Variants in EXPH5 observed in about 807,000 individuals in gnomAD.
EXPH5 encodes exophilin-5.
Under a neutral mutation model 41.1 loss-of-function variants are expected in EXPH5, and 42 were observed. That is an observed-to-expected ratio of 1.02 (90% CI 0.80 to 1.32). The LOEUF (loss-of-function observed/expected upper bound fraction) is 1.32. Ranked by LOEUF, EXPH5 falls within the 40% of genes most tolerant of loss-of-function variation. The pLI is 0.00. For missense variants in EXPH5, 2,298 were observed against 2,314.5 expected, an observed-to-expected ratio of 0.99 and a Z score of 0.15; for synonymous variants, 798 against 833.5, an observed-to-expected ratio of 0.96 and a Z score of 0.73.
At chr11:108,602,760 A>G in the EXPH5 span, among the ~76,000 whole-genome samples, 1,654 of 152,352 alleles carry the variant, frequency 0.011, 15 homozygotes, top group Middle Eastern at 0.027. Flanking sequence ...TTAGTAGGAT[A>G]AGAAAGGAAA....
rs1237946246 is a variant in EXPH5 at position 108,510,599 on chromosome 11, T to A, written c.4908A>T (p.Thr1636=). Residue 1636 remains threonine, a synonymous_variant, in exon 6 of 6, where the codon ACA becomes ACT. Transcript: ENST00000265843. ...CAGGGAACAGTGGGTTGCACTCCAC[T>A]GTGCCAAGAGATAAATGGTCAAAGC... ...RSGFDHLSLG[T]VECNPLFPEP... The A allele has an allele frequency of 6.2e-7, 1 of 1,614,106 alleles. No individual in the cohort carries two copies. The highest frequency in any genetic ancestry group is 8.5e-7 in the Non-Finnish European group (1 of 1,180,000).
At chr11:108,558,609 C>T (rs969020411) in intron 1 of EXPH5, among the ~76,000 whole-genome samples, 6 of 152,288 alleles carry the variant, frequency 3.9e-5, no homozygotes, top group South Asian at 2.1e-4. Flanking sequence ...CTTTCTGTTG[C>T]TCCTGTCTGG....
In EXPH5 at chr11:108,522,847, AC is replaced by A. The variant is rs1479324470; in HGVS notation, c.493-4475del. On this transcript the variant is annotated intron_variant, in intron 4 of 5. Transcript: ENST00000265843. ...GCCTAGAGGATAAGGATGTTCAAAC[AC>A]CTTTTTTGCAGCACAATTGTGTCAA... 2.6e-5 allele frequency among the ~76,000 whole-genome samples: 4 copies of A among 151,222 alleles called. 1 individual carries two copies. Among genetic ancestry groups the A allele is most frequent in the South Asian group, 4.2e-4 (2 of 4,774 alleles).
intron 1 of EXPH5, among the ~76,000 whole-genome samples, chr11:108,569,301 T>C (rs1000941441): frequency 1.3e-5 from 2 of 151,592 alleles, no homozygotes; most frequent in South Asian, 4.2e-4. Flanking sequence ...TTATCATTCG[T>C]CACGTTATAG....
At chr11:108,573,176 GAA>G (rs1175179826) in intron 1 of EXPH5, among the ~76,000 whole-genome samples, 63 of 145,182 alleles carry the variant, frequency 4.3e-4, no homozygotes, top group Middle Eastern at 3.4e-3. Context: ...AAGAAAGAAA[GAA>G]AGAAAGAAAG....
In EXPH5 at chr11:108,519,872, A is replaced by T. The variant is rs111417913; in HGVS notation, c.493-1499T>A. On this transcript the variant is annotated intron_variant, in intron 4 of 5. Transcript: ENST00000265843. ...GGGCTGAGGCAGGAGAATCGCTTGA[A>T]CCCGGGAGGCGGAGGTTGTAGTGAG... Among the ~76,000 whole-genome samples the T allele has an allele frequency of 1.1e-3, 168 of 146,570 alleles. 1 individual carries two copies. The highest frequency in any genetic ancestry group is 3.9e-3 in the African/African-American group (154 of 39,772).
At chr11:108,526,779 C>T (rs1452905544) in intron 4 of EXPH5, among the ~76,000 whole-genome samples, 2 of 152,160 alleles carry the variant, frequency 1.3e-5, no homozygotes, top group African/African-American at 4.8e-5. Context: ...CCAGGGTGAC[C>T]TTGAGCATGA....
rs1219818556 is a variant in EXPH5 at position 108,511,117 on chromosome 11, G to C, written c.4390C>G (p.Gln1464Glu). 2 of 1,613,784 alleles carry C rather than the reference G, an allele frequency of 1.2e-6. No individual in the cohort carries two copies. Among genetic ancestry groups the C allele is most frequent in the Admixed American group, 1.7e-5 (1 of 59,980 alleles). ...ACAGCTGTGGATGTGTGATCTTTCT[G>C]GGGACACTTGCCACTTCCAGTAAAT... Reference protein sequence around the residue: ...IPFTGSGKCPQKDHTSTAVGD... With the variant: ...IPFTGSGKCPEKDHTSTAVGD... Residue 1464 changes from glutamine to glutamate, a missense_variant, in exon 6 of 6, where the codon CAG becomes GAG. Gln to Glu is a conservative substitution (Grantham distance 29). Coordinates refer to ENST00000265843, the MANE Select transcript of EXPH5 (RefSeq NM_015065.3).
At chr11:108,550,089 A>G (rs2093956445) in intron 1 of EXPH5, among the ~76,000 whole-genome samples, 1 of 152,226 alleles carries the variant, frequency 6.6e-6, no homozygotes, top group African/African-American at 2.4e-5. Context: ...TACTGTTAAG[A>G]GGCACCTCCT....
chr11:108,509,493 A>T lies in EXPH5; in HGVS notation c.*44T>A. 1 of 1,512,136 alleles carries T rather than the reference A, an allele frequency of 6.6e-7. No individual in the cohort carries two copies. Among genetic ancestry groups the T allele is most frequent in the Non-Finnish European group, 8.8e-7 (1 of 1,130,370 alleles). 93.7% of individuals were successfully genotyped at this position (1,512,136 alleles called of 1,614,324 possible). A position where few individuals can be genotyped will look rare whatever the true frequency, so the allele number is the denominator to read the frequency against. On this transcript the variant is annotated 3_prime_UTR_variant, in exon 6 of 6. Transcript: ENST00000265843. ...TGCACATGTACACCTTAGTTCCATT[A>T]TAAGCTTTTGGTGAAAAAAGTAAAG...
At chr11:108,564,398 C>CA (rs1355725856) in intron 1 of EXPH5, among the ~76,000 whole-genome samples, 1 of 151,562 alleles carries the variant, frequency 6.6e-6, no homozygotes, top group Non-Finnish European at 1.5e-5. Flanking sequence ...CCTGCATTTT[C>CA]AAAAAATGCT....
rs759246470 is a variant in EXPH5 at position 108,539,019 on chromosome 11, C to T, written c.443+5G>A. The stretch of plus-strand genomic sequence containing the variant: ...GGGCCGTAACATGACCTGAGTTTAA[C>T]TCACCCTTTCTGTCCCAGTGATGGA... On this transcript the variant is annotated splice_donor_5th_base_variant and intron_variant, in intron 3 of 5. Coordinates refer to ENST00000265843, the MANE Select transcript of EXPH5 (RefSeq NM_015065.3). 6.3e-7 allele frequency: 1 copy of T among 1,577,218 alleles called. No individual in the cohort carries two copies. The highest frequency in any genetic ancestry group is 8.6e-7 in the Non-Finnish European group (1 of 1,160,180).
chr11:108,517,204 C>T (rs1308867732), intron 5 of EXPH5, among the ~76,000 whole-genome samples: 7 of 152,250 alleles, frequency 4.6e-5, no homozygotes, highest in Admixed American at 6.5e-5. Context: ...TCACTCCTGA[C>T]ATCAGAAAAA....
At chr11:108,600,440 T>C in the EXPH5 span, among the ~76,000 whole-genome samples, 1 of 151,682 alleles carries the variant, frequency 6.6e-6, no homozygotes, top group Non-Finnish European at 1.5e-5. Context: ...GGTTTTAAAC[T>C]AGAAAAAAAA....
intron 1 of EXPH5, among the ~76,000 whole-genome samples, chr11:108,577,962 G>A (rs2094085318): frequency 6.6e-6 from 1 of 152,004 alleles, no homozygotes; most frequent in African/African-American, 2.4e-5. Flanking sequence ...TGAATAGCTT[G>A]CAAATATTTT....
Position 108,512,488 on chromosome 11 carries a change from G to C in EXPH5, c.3019C>G (p.Gln1007Glu). The change falls in exon 6 of 6, where the codon CAA becomes GAA. Residue 1007 changes from glutamine to glutamate, a missense_variant. Gln to Glu is a conservative substitution (Grantham distance 29). Transcript: ENST00000265843. Reference protein sequence around the residue: ...SDHRSLIEANQSNSKVSELDT... With the variant: ...SDHRSLIEANESNSKVSELDT... Reference sequence around the variant, plus strand: ...AGTTCAGAAACTTTGGAATTGCTTTGATTTGCTTCAATGAGGCTCCTGTGA... The same window carrying C: ...AGTTCAGAAACTTTGGAATTGCTTTCATTTGCTTCAATGAGGCTCCTGTGA... 6.2e-7 allele frequency: 1 copy of C among 1,613,990 alleles called. No individual in the cohort carries two copies. Among genetic ancestry groups the C allele is most frequent in the Non-Finnish European group, 8.5e-7 (1 of 1,179,988 alleles).
chr11:108,603,361 T>C, the EXPH5 span, among the ~76,000 whole-genome samples: 2 of 152,186 alleles, frequency 1.3e-5, no homozygotes, highest in African/African-American at 4.8e-5. Flanking sequence ...TTTTATGTTA[T>C]GTAAACTTCA....
At position 108,576,391 on chromosome 11, in the gene EXPH5, G is replaced by A. The variant is rs931286085; in HGVS notation, c.119+17027C>T. Among the ~76,000 whole-genome samples, 2 of 152,102 alleles carry A rather than the reference G, an allele frequency of 1.3e-5. 1 individual carries two copies. The highest frequency in any genetic ancestry group is 1.3e-4 in the Admixed American group (2 of 15,272). On this transcript the variant is annotated intron_variant, in intron 1 of 5. Transcript: ENST00000265843. ...TAAACCCATGGTTGCTAGTAGTTGA[G>A]GGGAGGTGGGAATGAAGAGTAACTG...
intron 1 of EXPH5, among the ~76,000 whole-genome samples, chr11:108,568,768 C>T (rs981007489): frequency 5.9e-5 from 9 of 152,178 alleles, no homozygotes; most frequent in African/African-American, 2.2e-4. Flanking sequence ...CTTTCTCCTT[C>T]CTCCTGCAGC....
Sources: gnomAD v4.1 joint callset for allele counts (sites outside exome capture counted in the v4.1 genomes callset) on GRCh38, gnomAD v4.1.1 for gene constraint, MANE v1.5 for transcripts, NCBI Gene and HGNC (gene_info 2026-07-23, HGNC 2026-07-21) for gene names.